The following FRMD4A variants were observed in gnomAD, a reference collection of about 807,000 sequenced individuals.
The protein encoded by FRMD4A is FERM domain containing 4A, also known as FERM domain-containing protein 4A.
FRMD4A carries 29 observed loss-of-function variants against 129.1 expected under a neutral mutation model. That is an observed-to-expected ratio of 0.22 (90% CI 0.17 to 0.31). The LOEUF is 0.31. Among genes scored for constraint, FRMD4A ranks in the 10% least tolerant of loss-of-function variants. FRMD4A has a pLI of 1.00. For synonymous variants in FRMD4A, 634 were observed against 571.6 expected (o/e 1.11, Z -1.56); for missense variants, 1,272 against 1,375.8 (o/e 0.92, Z 1.19).
intron 2 of FRMD4A, among the ~76,000 whole-genome samples, chr10:14,179,450 G>A (rs1841838872): frequency 6.6e-6 from 1 of 152,144 alleles, no homozygotes; most frequent in Non-Finnish European, 1.5e-5. Context: ...CACTGAAGGA[G>A]TTATGTAACT....
chr10:13,702,983 G>T (rs2087007683), intron 13 of FRMD4A, among the ~76,000 whole-genome samples: 2 of 151,474 alleles, frequency 1.3e-5, no homozygotes, highest in South Asian at 4.2e-4. Context: ...AAGGAGCCAG[G>T]GAGAGAGCGA....
intron 14 of FRMD4A, among the ~76,000 whole-genome samples, chr10:13,699,692 CT>C (rs2134864843): frequency 6.6e-6 from 1 of 152,262 alleles, no homozygotes; most frequent in African/African-American, 2.4e-5. Context: ...GCCCAATCCC[CT>C]AACCCCCACC....
Position 13,972,160 on chromosome 10 carries a change from C to T in FRMD4A, c.46-113248G>A, listed in dbSNP as rs75305357. The T allele has an allele frequency of 6.3e-4, 661 of 1,051,512 alleles. 8 individuals are homozygous for T. The highest frequency in any genetic ancestry group is 5.4e-3 in the East Asian group (76 of 14,064). The allele number at this position is 1,051,512 out of a possible 1,614,324, so 65.1% of individuals were successfully genotyped here. ...GAGGCTGGCTCTTTGGCAGATCAAA[C>T]AGAACTTAGGGAAGACCTCAGACCC... On this transcript the variant is annotated intron_variant, in intron 2 of 24. Coordinates refer to ENST00000357447, the MANE Select transcript of FRMD4A (RefSeq NM_018027.5).
chr10:14,065,542 C>T (rs1343222046), intron 2 of FRMD4A, among the ~76,000 whole-genome samples: 1 of 152,238 alleles, frequency 6.6e-6, no homozygotes, highest in South Asian at 2.1e-4. Flanking sequence ...GTGGTGGTCA[C>T]AGGGCAGCCT....
intron 6 of FRMD4A, among the ~76,000 whole-genome samples, chr10:13,764,251 C>T (rs954164429): frequency 8.0e-5 from 12 of 150,284 alleles, no homozygotes; most frequent in Non-Finnish European, 1.6e-4. Flanking sequence ...GGCATGATGG[C>T]TCACACACTT....
chr10:13,955,983 T>C (rs2095407813), intron 2 of FRMD4A, among the ~76,000 whole-genome samples: 1 of 152,236 alleles, frequency 6.6e-6, no homozygotes. Flanking sequence ...TTTTACACCC[T>C]TTCAAATTCA....
rs370267348 is a variant in FRMD4A at position 13,656,756 on chromosome 10, G to A, written c.2833C>T (p.Leu945=). The A allele has an allele frequency of 1.3e-5, 21 of 1,599,302 alleles. No individual in the cohort carries two copies. Among genetic ancestry groups the A allele is most frequent in the Admixed American group, 5.1e-5 (3 of 58,506 alleles). Residue 945 remains leucine, a synonymous_variant, in exon 22 of 25, where the codon CTG becomes TTG. Coordinates refer to ENST00000357447, the MANE Select transcript of FRMD4A (RefSeq NM_018027.5). ...STASHKEHSR[L]SHTSSTSSDS... is the part of the protein sequence containing the mutation. ...GAGGAGGTGGAGCTGGTGTGCGACAGGCGGCTGTGCTCCTTGTGCGAGGCG... is the reference window on the plus strand; with the variant it reads ...GAGGAGGTGGAGCTGGTGTGCGACAAGCGGCTGTGCTCCTTGTGCGAGGCG...
chr10:14,028,389 G>T (rs535540721), intron 2 of FRMD4A, among the ~76,000 whole-genome samples: 1 of 152,116 alleles, frequency 6.6e-6, no homozygotes, highest in Non-Finnish European at 1.5e-5. Context: ...AATGTAGAGC[G>T]TAACTCCTTA....
At chr10:14,167,966 C>A (rs544831218) in intron 2 of FRMD4A, among the ~76,000 whole-genome samples, 2 of 152,184 alleles carry the variant, frequency 1.3e-5, no homozygotes, top group Non-Finnish European at 2.9e-5. Context: ...GTCCTCCAGC[C>A]TTTTGGCACA....
chr10:13,774,563 T>A lies in FRMD4A; in HGVS notation c.384+8359A>T, dbSNP rs554123218. ...CATGTCCCAGGCAGGAAGGGAAGGG[T>A]TTTTTCTGGAGAGAATGGAGAGCCA... On this transcript the variant is annotated intron_variant, in intron 6 of 24. Coordinates refer to ENST00000357447, the MANE Select transcript of FRMD4A (RefSeq NM_018027.5). 3.3e-5 allele frequency among the ~76,000 whole-genome samples: 5 copies of A among 151,274 alleles called. No homozygotes were observed. The East Asian group carries it at 9.8e-4, about 30-fold the overall frequency.
chr10:13,658,132 TAAAAAAAAAAAA>T (rs565374030), intron 21 of FRMD4A, among the ~76,000 whole-genome samples: 4 of 81,240 alleles, frequency 4.9e-5, no homozygotes, highest in Admixed American at 1.6e-4. Context: ...CTGTCTCTCT[TAAAAAAAAAAAA>T]AAAAAAAAAA....
chr10:14,314,647 T>C (rs898711785), intron 2 of FRMD4A, among the ~76,000 whole-genome samples: 2 of 151,502 alleles, frequency 1.3e-5, no homozygotes, highest in Non-Finnish European at 1.5e-5. Context: ...GGGGAAGCAC[T>C]GTCAACATCT....
chr10:14,227,027 C>A (rs1843462438), intron 2 of FRMD4A, among the ~76,000 whole-genome samples: 1 of 152,062 alleles, frequency 6.6e-6, no homozygotes, highest in Non-Finnish European at 1.5e-5. Flanking sequence ...GATCTAGTGC[C>A]CACACACCCA....
intron 2 of FRMD4A, among the ~76,000 whole-genome samples, chr10:14,227,615 C>A (rs187819982): frequency 1.3e-5 from 2 of 152,024 alleles, no homozygotes; most frequent in Non-Finnish European, 1.5e-5. Flanking sequence ...TTACACCAAG[C>A]CTGCATGAGG....
At chr10:14,155,236 A>C (rs1457067469) in intron 2 of FRMD4A, among the ~76,000 whole-genome samples, 1 of 152,246 alleles carries the variant, frequency 6.6e-6, no homozygotes, top group African/African-American at 2.4e-5. Flanking sequence ...TGGAGGCTAC[A>C]GTGAGCTATG....
intron 2 of FRMD4A, among the ~76,000 whole-genome samples, chr10:14,120,803 C>A (rs1001145245): frequency 1.3e-5 from 2 of 152,204 alleles, no homozygotes; most frequent in African/African-American, 2.4e-5. Flanking sequence ...CTGTCTGTTA[C>A]AGCAGCTACT....
At chr10:14,201,703 C>T (rs913275888) in intron 2 of FRMD4A, among the ~76,000 whole-genome samples, 1 of 152,206 alleles carries the variant, frequency 6.6e-6, no homozygotes, top group Non-Finnish European at 1.5e-5. Flanking sequence ...TCTGAGAAGC[C>T]AGGGAGACCT....
chr10:14,143,600 A>T (rs10906615), intron 2 of FRMD4A, among the ~76,000 whole-genome samples: 1 of 151,994 alleles, frequency 6.6e-6, no homozygotes, highest in East Asian at 1.9e-4. Context: ...TGGTTACAAT[A>T]GTTTTTTGTT....
intron 6 of FRMD4A, among the ~76,000 whole-genome samples, chr10:13,765,618 A>G (rs2092260924): frequency 6.6e-6 from 1 of 152,214 alleles, no homozygotes; most frequent in Non-Finnish European, 1.5e-5. Flanking sequence ...ATGAGAGCCT[A>G]CGGAAGAATT....
Sources: gnomAD v4.1 joint callset for allele counts (sites outside exome capture counted in the v4.1 genomes callset) on GRCh38, gnomAD v4.1.1 for gene constraint, MANE v1.5 for transcripts, NCBI Gene and HGNC (gene_info 2026-07-23, HGNC 2026-07-21) for gene names.